The following SRGAP1 variants were observed in gnomAD, a reference collection of about 807,000 sequenced individuals.
The protein encoded by SRGAP1 is SLIT-ROBO Rho GTPase activating protein 1.
In SRGAP1, 43 loss-of-function variants were observed where a neutral mutation model predicts 121.9. The observed-to-expected ratio is 0.35, with a 90% CI of 0.28 to 0.46. The LOEUF (loss-of-function observed/expected upper bound fraction) is 0.46. Among genes scored for constraint, SRGAP1 ranks in the 20% least tolerant of loss-of-function variants. The pLI is 1.00. For synonymous variants in SRGAP1, 447 were observed against 485.4 expected (o/e 0.92, Z 1.04); for missense variants, 1,102 against 1,350.9 (o/e 0.82, Z 2.89).
chr12:64,128,032 T>A lies in SRGAP1; in HGVS notation c.2712T>A (p.Asn904Lys). Reference sequence around the variant, plus strand: ...TGCTGCAGAACCGTGGCCTCAACAATGACAGTCCTGAGCGGAGGCGCAGGC... The same window carrying A: ...TGCTGCAGAACCGTGGCCTCAACAAAGACAGTCCTGAGCGGAGGCGCAGGC... ...RGLLQNRGLN[N>K]DSPERRRRPG... The change falls in exon 21 of 22, where the codon AAT (asparagine) becomes AAA (lysine). Residue 904 changes from asparagine to lysine, a missense_variant. Around this residue, in one of 3 missense-constraint regions of SRGAP1, gnomAD observed 315 missense variants for 343.1 expected, o/e 0.92. Transcript: ENST00000355086. 3 of 1,614,112 alleles carry A rather than the reference T, an allele frequency of 1.9e-6. No homozygotes were observed. The highest frequency in any genetic ancestry group is 2.5e-6 in the Non-Finnish European group (3 of 1,180,020).
chr12:64,091,205 A>T (rs1429608458), intron 11 of SRGAP1, 71 bp from the exon 12 acceptor site: 13 of 1,087,998 alleles, frequency 1.2e-5, no homozygotes, highest in Non-Finnish European at 5.1e-6. Context: ...TGTAATATTG[A>T]TGTGACCTAT....
chr12:63,965,508 T>TA (rs1288053817), intron 1 of SRGAP1, among the ~76,000 whole-genome samples: 7 of 151,806 alleles, frequency 4.6e-5, no homozygotes, highest in Admixed American at 1.3e-4. Context: ...TCATTTACAT[T>TA]AAAAAAAATA....
intron 12 of SRGAP1, among the ~76,000 whole-genome samples, chr12:64,093,358 A>G (rs752573798): frequency 2.0e-5 from 3 of 152,170 alleles, no homozygotes; most frequent in Non-Finnish European, 2.9e-5. Context: ...GTAAATGTAA[A>G]CACAAAAACA....
At chr12:64,007,054 C>A (rs1307667812) in intron 3 of SRGAP1, among the ~76,000 whole-genome samples, 1 of 152,102 alleles carries the variant, frequency 6.6e-6, no homozygotes, top group African/African-American at 2.4e-5. Flanking sequence ...CAAGTGATTA[C>A]AAGTTACTGA....
intron 8 of SRGAP1, 150 bp from the exon 9 acceptor site, chr12:64,078,769 T>A (rs2136561857): frequency 2.9e-6 from 2 of 685,498 alleles, no homozygotes; most frequent in Non-Finnish European, 4.8e-6. Context: ...TGATATGGAG[T>A]GTTTTTTACC....
chr12:63,999,342 T>C (rs1449766327), intron 3 of SRGAP1, among the ~76,000 whole-genome samples: 1 of 152,156 alleles, frequency 6.6e-6, no homozygotes, highest in Non-Finnish European at 1.5e-5. Context: ...TTAAACACGA[T>C]AGTGACGTGA....
rs903317328 is a variant in SRGAP1 at position 64,148,732 on chromosome 12, CTTT to C, written c.*6063_*6065del. 6 of 152,280 alleles carry C rather than the reference CTTT, an allele frequency of 3.9e-5. No individual in the cohort carries two copies. The highest frequency in any genetic ancestry group is 2.0e-4 in the Admixed American group (3 of 15,298). 9.4% of individuals were successfully genotyped at this position (152,280 alleles called of 1,614,324 possible). On this transcript the variant is annotated 3_prime_UTR_variant, in exon 22 of 22. Coordinates refer to ENST00000355086, the MANE Select transcript of SRGAP1 (RefSeq NM_020762.4). ...ATGACAGGCAAATCAAGGAAAAACA[CTTT>C]TTATTAAAGTGCAGAATACTAACAA...
chr12:63,941,607 G>T (rs1167977401), intron 1 of SRGAP1, among the ~76,000 whole-genome samples: 2 of 148,306 alleles, frequency 1.3e-5, no homozygotes, highest in African/African-American at 2.5e-5. Context: ...AACATTTTTT[G>T]AAAAATCCTC....
intron 1 of SRGAP1, among the ~76,000 whole-genome samples, chr12:63,938,098 G>A (rs1174949170): frequency 6.6e-6 from 1 of 152,224 alleles, no homozygotes; most frequent in Non-Finnish European, 1.5e-5. Flanking sequence ...ACTGAGATGA[G>A]CATCCAAAGC....
At chr12:64,029,017 G>A (rs371219833) in intron 4 of SRGAP1, among the ~76,000 whole-genome samples, 1 of 152,058 alleles carries the variant, frequency 6.6e-6, no homozygotes, top group African/African-American at 2.4e-5. Context: ...TCCCAGTTTA[G>A]AGGTGAGTAA....
chr12:64,152,337 T>TG lies in SRGAP1; in HGVS notation c.*9667dup, dbSNP rs780585374. On this transcript the variant is annotated 3_prime_UTR_variant, in exon 22 of 22. Coordinates refer to ENST00000355086, the MANE Select transcript of SRGAP1 (RefSeq NM_020762.4). ...GATTTGATTCCACGCCATCTGGTGC[T>TG]GGAGGCTATGCTCATAACCACTGCT... 6.6e-6 allele frequency: 1 copy of TG among 152,248 alleles called. No homozygotes were observed. The highest frequency in any genetic ancestry group is 1.9e-4 in the East Asian group (1 of 5,196). 9.4% of individuals were successfully genotyped at this position (152,248 alleles called of 1,614,324 possible).
At chr12:64,111,689 T>G (rs1272132892) in intron 16 of SRGAP1, 73 bp from the exon 17 acceptor site, 2 of 1,305,794 alleles carry the variant, frequency 1.5e-6, no homozygotes, top group Middle Eastern at 1.9e-4. Flanking sequence ...TATTGAAGTA[T>G]CTTGTTATTA....
At chr12:63,944,228 A>G (rs1171730659) in intron 1 of SRGAP1, among the ~76,000 whole-genome samples, 1 of 152,212 alleles carries the variant, frequency 6.6e-6, no homozygotes, top group Non-Finnish European at 1.5e-5. Flanking sequence ...CACAATAGTA[A>G]GTGGCAAAGC....
At chr12:64,079,251 A>C in intron 9 of SRGAP1, 135 bp downstream of exon 9, 1 of 931,984 alleles carries the variant, frequency 1.1e-6, no homozygotes, top group Non-Finnish European at 1.6e-6. Context: ...AGAGTTCCTG[A>C]TTCAGTCAGT....
intron 1 of SRGAP1, among the ~76,000 whole-genome samples, chr12:63,908,951 C>T (rs1038014823): frequency 2.6e-5 from 4 of 151,490 alleles, no homozygotes; most frequent in Non-Finnish European, 2.9e-5. Context: ...AGTGCAGTGG[C>T]GCCATCTTGG....
At chr12:63,981,454 A>G (rs1286765705) in intron 1 of SRGAP1, among the ~76,000 whole-genome samples, 2 of 152,216 alleles carry the variant, frequency 1.3e-5, no homozygotes, top group Non-Finnish European at 2.9e-5. Flanking sequence ...ATGTTCTAAA[A>G]TTACTTCATC....
intron 15 of SRGAP1, among the ~76,000 whole-genome samples, chr12:64,106,212 T>C (rs1427784749): frequency 6.6e-6 from 1 of 152,188 alleles, no homozygotes; most frequent in African/African-American, 2.4e-5. Context: ...CCCAAGATTC[T>C]CAATAAACAG....
At chr12:64,094,874 A>G (rs920993897) in intron 12 of SRGAP1, 58 bp from the exon 13 acceptor site, 10 of 1,477,116 alleles carry the variant, frequency 6.8e-6, no homozygotes, top group Non-Finnish European at 8.5e-6. Context: ...AAGCCTTATT[A>G]TTATGAGGCA....
At chr12:64,044,117 A>G (rs1213310787) in intron 6 of SRGAP1, among the ~76,000 whole-genome samples, 1 of 152,210 alleles carries the variant, frequency 6.6e-6, no homozygotes, top group African/African-American at 2.4e-5. Flanking sequence ...ACATTCTCTC[A>G]TAGGATATGA....
Sources: gnomAD v4.1 joint callset for allele counts (sites outside exome capture counted in the v4.1 genomes callset) on GRCh38, gnomAD v4.1.1 for gene constraint, gnomAD v4.1.1 regional missense constraint, MANE v1.5 for transcripts, NCBI Gene and HGNC (gene_info 2026-07-23, HGNC 2026-07-21) for gene names.